The following MGRN1 variants were observed in gnomAD, a reference collection of about 807,000 sequenced individuals.
The protein encoded by MGRN1 is mahogunin ring finger 1.
In MGRN1, 29 loss-of-function variants were observed where a neutral mutation model predicts 69.2. That is an observed-to-expected ratio of 0.42 (90% CI 0.31 to 0.57). The LOEUF (loss-of-function observed/expected upper bound fraction) is 0.57, where lower values mean the gene tolerates loss of function less well. MGRN1 is among the 20% of genes least tolerant of loss of function. The pLI is 0.15. For missense variants in MGRN1, 998 were observed against 796.2 expected (o/e 1.25, Z -3.05); for synonymous variants, 470 against 344.2 (o/e 1.37, Z -4.04).
chr16:4,662,737 G>C (rs1171748224), intron 5 of MGRN1, among the ~76,000 whole-genome samples: 6 of 152,216 alleles, frequency 3.9e-5, no homozygotes, highest in Non-Finnish European at 1.5e-5. Context: ...GTGGGGACGT[G>C]TGCCCCTGCC....
intron 15 of MGRN1, 149 bp from the exon 16 acceptor site, chr16:4,683,694 G>A (rs997229066): frequency 1.6e-6 from 1 of 625,068 alleles, no homozygotes; most frequent in Admixed American, 2.9e-5. Flanking sequence ...GAGCAGGTGG[G>A]GTCACGGTGG....
intron 7 of MGRN1, among the ~76,000 whole-genome samples, chr16:4,666,388 T>C (rs2078806662): frequency 6.6e-6 from 1 of 152,178 alleles, no homozygotes; most frequent in African/African-American, 2.4e-5. Context: ...CACCTTGGCC[T>C]TCCAAAGTGC....
At position 4,652,022 on chromosome 16, in the gene MGRN1, C is replaced by T. The variant is rs749694143; in HGVS notation, c.267C>T (p.Asn89=). The change falls in exon 3 of 17, where the codon AAC becomes AAT. Residue 89 remains asparagine (N), a synonymous_variant. Coordinates refer to ENST00000262370, the MANE Select transcript of MGRN1 (RefSeq NM_015246.4). ...TGAAGACGCTGCGGAGCCTGGTGAA[C>T]ATCCGCAAAGACTCCCTGCGGCTGG... The part of the protein sequence containing the change: ...EPVKTLRSLV[N]IRKDSLRLVR... The T allele has an allele frequency of 4.3e-6, 7 of 1,614,066 alleles. No individual in the cohort carries two copies. Among genetic ancestry groups the T allele is most frequent in the Admixed American group, 1.7e-5 (1 of 60,006 alleles).
intron 11 of MGRN1, among the ~76,000 whole-genome samples, chr16:4,679,402 C>T (rs2079126928): frequency 6.6e-6 from 1 of 152,178 alleles, no homozygotes; most frequent in African/African-American, 2.4e-5. Flanking sequence ...GGGCTGGCAC[C>T]CAGCCAGGGA....
chr16:4,687,486 A>G, intron 16 of MGRN1: 2 of 973,998 alleles, frequency 2.1e-6, no homozygotes, highest in Non-Finnish European at 2.4e-6. Flanking sequence ...GTCAAGGCCC[A>G]CTCCAGCCTG....
intron 1 of MGRN1, among the ~76,000 whole-genome samples, chr16:4,629,455 T>C (rs1166492867): frequency 1.3e-5 from 2 of 152,232 alleles, no homozygotes; most frequent in Middle Eastern, 6.8e-3. Context: ...TTAAGAAATC[T>C]TGGGCCCAGG....
At chr16:4,665,345 A>C (rs1461123033) in intron 7 of MGRN1, among the ~76,000 whole-genome samples, 194 bp downstream of exon 7, 1 of 148,694 alleles carries the variant, frequency 6.7e-6, no homozygotes, top group Non-Finnish European at 1.5e-5. Context: ...TGCCGCTGTC[A>C]GGAGGCTTAG....
At chr16:4,628,079 CAAAAA>C (rs747646208) in intron 1 of MGRN1, among the ~76,000 whole-genome samples, 2 of 58,010 alleles carry the variant, frequency 3.4e-5, no homozygotes. Context: ...GACTCCGTCT[CAAAAA>C]AAAAAAAAAA....
chr16:4,674,497 C>T (rs2079009588), intron 10 of MGRN1, among the ~76,000 whole-genome samples: 1 of 151,058 alleles, frequency 6.6e-6, no homozygotes, highest in African/African-American at 2.4e-5. Flanking sequence ...CCATGTTGGT[C>T]AGGCTGGTCT....
intron 8 of MGRN1, chr16:4,669,055 C>CACTT (rs756719498): frequency 6.6e-6 from 1 of 152,242 alleles, no homozygotes; most frequent in Admixed American, 6.5e-5. Flanking sequence ...TACTCACACA[C>CACTT]ACTTATATAT....
chr16:4,645,708 A>C (rs926016295), intron 1 of MGRN1, among the ~76,000 whole-genome samples: 6 of 152,172 alleles, frequency 3.9e-5, no homozygotes, highest in African/African-American at 1.4e-4. Flanking sequence ...GGATGAGCTG[A>C]GGACTCCAGG....
intron 10 of MGRN1, chr16:4,676,776 A>G (rs2079062514): frequency 6.6e-6 from 1 of 152,292 alleles, no homozygotes; most frequent in African/African-American, 2.4e-5. Context: ...GTGGGATGAC[A>G]GGGCATCCTA....
intron 16 of MGRN1, among the ~76,000 whole-genome samples, chr16:4,685,000 G>A (rs1171129442): frequency 1.3e-5 from 2 of 152,242 alleles, no homozygotes; most frequent in Non-Finnish European, 2.9e-5. Context: ...GACTCTGGCT[G>A]AGCAGTGGCC....
chr16:4,646,645 AGTCTCTGTG>A (rs1198050764), intron 1 of MGRN1, among the ~76,000 whole-genome samples: 1 of 151,870 alleles, frequency 6.6e-6, no homozygotes, highest in Non-Finnish European at 1.5e-5. Flanking sequence ...ATTTTCATGC[AGTCTCTGTG>A]GTCATCATTT....
chr16:4,683,779 C>A, intron 15 of MGRN1, 64 bp from the exon 16 acceptor site: 1 of 1,468,198 alleles, frequency 6.8e-7, no homozygotes, highest in Non-Finnish European at 9.4e-7. Flanking sequence ...GGCCTCCTGC[C>A]CAGAGGGACC....
intron 1 of MGRN1, among the ~76,000 whole-genome samples, chr16:4,641,515 CTT>C (rs542014508): frequency 0.11 from 15,086 of 135,166 alleles, 1,124 homozygotes; most frequent in African/African-American, 0.22. Context: ...TGCCTGGCTA[CTT>C]TTTTTTTTTT....
chr16:4,681,021 C>G (rs555336455), intron 12 of MGRN1, among the ~76,000 whole-genome samples: 1 of 152,228 alleles, frequency 6.6e-6, no homozygotes, highest in Non-Finnish European at 1.5e-5. Context: ...CTTGTTGATT[C>G]TGTCTGCTCC....
chr16:4,643,586 A>G (rs1240104179), intron 1 of MGRN1, among the ~76,000 whole-genome samples: 2 of 150,976 alleles, frequency 1.3e-5, no homozygotes, highest in African/African-American at 4.9e-5. Context: ...GTTAGCCAGG[A>G]TGGTCTCCAT....
chr16:4,650,515 G>C, intron 2 of MGRN1, 32 bp downstream of exon 2: 1 of 1,533,034 alleles, frequency 6.5e-7, no homozygotes, highest in African/African-American at 1.4e-5. Context: ...TCATGGGGCT[G>C]TGGGGGTGGG....
Sources: allele counts gnomAD v4.1 joint callset (sites outside exome capture counted in the v4.1 genomes callset), GRCh38; gene constraint gnomAD v4.1.1; transcripts MANE v1.5; gene names NCBI Gene and HGNC (gene_info 2026-07-23, HGNC 2026-07-21).